Variants in CCSER1 observed in about 807,000 individuals in gnomAD.
The protein encoded by CCSER1 is serine-rich coiled-coil domain-containing protein 1.
Under a neutral mutation model 82.0 loss-of-function variants are expected in CCSER1, and 41 were observed. That is an observed-to-expected ratio of 0.50 (90% CI 0.39 to 0.65). The LOEUF (loss-of-function observed/expected upper bound fraction) is 0.65. Ranked by LOEUF, CCSER1 falls within the 30% of genes least tolerant of loss-of-function variation. CCSER1 has a pLI of 0.00. For missense variants in CCSER1, 1,119 were observed against 1,064.2 expected (o/e 1.05, Z -0.72); for synonymous variants, 414 against 383.9 (o/e 1.08, Z -0.92).
At chr4:90,789,121 A>C (rs759395687) in intron 7 of CCSER1, among the ~76,000 whole-genome samples, 5 of 152,054 alleles carry the variant, frequency 3.3e-5, no homozygotes, top group Admixed American at 2.0e-4. Flanking sequence ...ACTACTTTTT[A>C]CTTTCAGTTT....
chr4:90,552,883 C>A (rs942425365), intron 5 of CCSER1, among the ~76,000 whole-genome samples: 1 of 152,110 alleles, frequency 6.6e-6, no homozygotes, highest in Non-Finnish European at 1.5e-5. Context: ...GAGATAATGA[C>A]CTATGCTCTT....
intron 10 of CCSER1, among the ~76,000 whole-genome samples, chr4:91,196,082 G>A (rs74417574): frequency 1.3e-5 from 2 of 151,644 alleles, no homozygotes; most frequent in Non-Finnish European, 2.9e-5. Flanking sequence ...AGCTACGCGG[G>A]AGGCTGAGGC....
chr4:90,461,579 A>G (rs1762934544), intron 4 of CCSER1, among the ~76,000 whole-genome samples: 1 of 152,018 alleles, frequency 6.6e-6, no homozygotes, highest in African/African-American at 2.4e-5. Context: ...ACATTGAATT[A>G]TTTCCATTTC....
At chr4:90,711,259 T>C (rs13150060) in intron 6 of CCSER1, among the ~76,000 whole-genome samples, 20,542 of 152,042 alleles carry the variant, frequency 0.14, 1,593 homozygotes, top group East Asian at 0.29. Context: ...CTAGATATAG[T>C]GTCATGTTAT....
chr4:91,378,468 T>C (rs1342406062), intron 10 of CCSER1, among the ~76,000 whole-genome samples: 3 of 152,186 alleles, frequency 2.0e-5, no homozygotes, highest in African/African-American at 7.2e-5. Context: ...TCCTTCACAT[T>C]CCTTGTAAGT....
At chr4:91,409,958 T>C (rs1173242573) in intron 10 of CCSER1, among the ~76,000 whole-genome samples, 1 of 152,166 alleles carries the variant, frequency 6.6e-6, no homozygotes, top group Non-Finnish European at 1.5e-5. Context: ...TACCACATAT[T>C]CTCTAGATTC....
chr4:91,218,315 G>T (rs1200308368), intron 10 of CCSER1, among the ~76,000 whole-genome samples: 1 of 152,164 alleles, frequency 6.6e-6, no homozygotes, highest in Admixed American at 6.5e-5. Context: ...GGCCCGCAAG[G>T]GCCGCACGCA....
At chr4:90,397,032 C>T (rs376406903) in intron 3 of CCSER1, among the ~76,000 whole-genome samples, 1 of 152,070 alleles carries the variant, frequency 6.6e-6, no homozygotes, top group Non-Finnish European at 1.5e-5. Flanking sequence ...TATGAATTCA[C>T]CATTGATTAT....
intron 10 of CCSER1, among the ~76,000 whole-genome samples, chr4:91,434,700 T>A (rs1802381643): frequency 6.6e-6 from 1 of 152,164 alleles, no homozygotes; most frequent in African/African-American, 2.4e-5. Context: ...TAGCAGTTAT[T>A]TTACAGAATA....
intron 10 of CCSER1, among the ~76,000 whole-genome samples, chr4:91,458,515 G>A (rs749855803): frequency 6.6e-6 from 1 of 152,086 alleles, no homozygotes; most frequent in Non-Finnish European, 1.5e-5. Context: ...GTCTTTTGTG[G>A]TTCCGCAGAA....
At chr4:90,197,061 C>T (rs1358123408) in intron 1 of CCSER1, among the ~76,000 whole-genome samples, 1 of 152,048 alleles carries the variant, frequency 6.6e-6, no homozygotes, top group African/African-American at 2.4e-5. Flanking sequence ...TGCTTCTGAC[C>T]AGTTGATTAT....
chr4:91,387,633 G>C (rs1193649944), intron 10 of CCSER1, among the ~76,000 whole-genome samples: 1 of 152,002 alleles, frequency 6.6e-6, no homozygotes, highest in Non-Finnish European at 1.5e-5. Context: ...TCTACAAGAT[G>C]GGGCTACTAG....
At chr4:91,197,154 C>G (rs4693266) in intron 10 of CCSER1, among the ~76,000 whole-genome samples, 40,515 of 152,068 alleles carry the variant, frequency 0.27, 5,553 homozygotes, top group East Asian at 0.39. Context: ...TCTGTATTAT[C>G]AGGAAACACC....
intron 7 of CCSER1, among the ~76,000 whole-genome samples, chr4:90,774,043 G>A (rs1752583983): frequency 6.6e-6 from 1 of 152,088 alleles, no homozygotes; most frequent in Admixed American, 6.5e-5. Flanking sequence ...AGTGCCTTGG[G>A]AGTGAGATAT....
At chr4:90,655,421 A>C (rs1425950925) in intron 6 of CCSER1, among the ~76,000 whole-genome samples, 1 of 151,968 alleles carries the variant, frequency 6.6e-6, no homozygotes, top group Non-Finnish European at 1.5e-5. Flanking sequence ...TGCATGGTAA[A>C]AGAGAACTTT....
At chr4:90,164,123 C>T (rs1170547159) in intron 1 of CCSER1, among the ~76,000 whole-genome samples, 1 of 152,084 alleles carries the variant, frequency 6.6e-6, no homozygotes, top group Non-Finnish European at 1.5e-5. Flanking sequence ...ATGACTGCTT[C>T]TTTTAACCTC....
At chr4:91,311,913 G>T (rs1400585130) in intron 10 of CCSER1, among the ~76,000 whole-genome samples, 1 of 151,822 alleles carries the variant, frequency 6.6e-6, no homozygotes, top group African/African-American at 2.4e-5. Context: ...TATTCACTTT[G>T]TCTTCCATTG....
At chr4:90,979,241 C>T (rs1436977329) in intron 9 of CCSER1, among the ~76,000 whole-genome samples, 1 of 151,306 alleles carries the variant, frequency 6.6e-6, no homozygotes, top group Non-Finnish European at 1.5e-5. Context: ...GATACTAATA[C>T]AGTCATCACA....
At chr4:90,173,023 G>A (rs563600775) in intron 1 of CCSER1, among the ~76,000 whole-genome samples, 116 of 151,846 alleles carry the variant, frequency 7.6e-4, no homozygotes, top group Non-Finnish European at 1.2e-3. Flanking sequence ...ACCCTATTTG[G>A]CAGGGAAAGT....
Sources: allele counts gnomAD v4.1 joint callset (sites outside exome capture counted in the v4.1 genomes callset), GRCh38; gene constraint gnomAD v4.1.1; transcripts MANE v1.5; gene names NCBI Gene and HGNC (gene_info 2026-07-23, HGNC 2026-07-21).